SHCBP1L: variants seen among roughly 807,000 people sequenced by gnomAD.
SHCBP1L encodes the protein testicular spindle-associated protein SHCBP1L.
A neutral mutation model predicts 62.5 loss-of-function variants in SHCBP1L; 67 were observed. The observed-to-expected ratio is 1.07, with a 90% CI of 0.88 to 1.31. The LOEUF is 1.31. Ranked by LOEUF, SHCBP1L falls within the 40% of genes most tolerant of loss-of-function variation. The pLI is 0.00. For synonymous variants in SHCBP1L, 284 were observed against 289.4 expected (o/e 0.98, Z 0.19); for missense variants, 823 against 809.8 (o/e 1.02, Z -0.20).
chr1:182,942,268 A>C (rs1651392660), intron 2 of SHCBP1L: 1 of 1,319,546 alleles, frequency 7.6e-7, no homozygotes, highest in Non-Finnish European at 1.1e-6. Flanking sequence ...TTTTGTCTGA[A>C]GATTTATCCT....
At chr1:182,915,258 G>C (rs1650321604) in intron 6 of SHCBP1L, among the ~76,000 whole-genome samples, 1 of 141,666 alleles carries the variant, frequency 7.1e-6, no homozygotes, top group Non-Finnish European at 1.5e-5. Flanking sequence ...AAGATATTCT[G>C]TACAAACAGT....
intron 5 of SHCBP1L, among the ~76,000 whole-genome samples, chr1:182,932,033 G>C (rs1651023320): frequency 7.3e-6 from 1 of 137,046 alleles, no homozygotes; most frequent in Non-Finnish European, 1.5e-5. Context: ...ACAGTATGTA[G>C]CCTTTTCAGA....
chr1:182,944,070 G>A (rs1171592477), intron 2 of SHCBP1L, among the ~76,000 whole-genome samples: 4 of 150,886 alleles, frequency 2.7e-5, no homozygotes, highest in African/African-American at 4.9e-5. Context: ...GCAGTGAGCC[G>A]AGATCGCGCC....
rs201790058 is a variant in SHCBP1L at position 182,945,139 on chromosome 1, T to G, written c.556-4596A>C. On this transcript the variant is annotated intron_variant, in intron 2 of 9. Transcript: ENST00000367547. ...CCACCACATCCGGCTATTTTTTGTA[T>G]TTTTAGTAGAGATGGGGTTTCACCA... 5.9e-5 allele frequency among the ~76,000 whole-genome samples: 9 copies of G among 152,082 alleles called. No homozygotes were observed. In the East Asian group the frequency reaches 1.7e-3, roughly 29 times the overall value.
At chr1:182,922,677 A>G (rs1229564094) in intron 6 of SHCBP1L, among the ~76,000 whole-genome samples, 1 of 152,212 alleles carries the variant, frequency 6.6e-6, no homozygotes, top group African/African-American at 2.4e-5. Context: ...CACAGAAATC[A>G]AAAAATCAAA....
At chr1:182,913,248 T>C (rs1650245975) in intron 6 of SHCBP1L, among the ~76,000 whole-genome samples, 1 of 152,184 alleles carries the variant, frequency 6.6e-6, no homozygotes, top group Non-Finnish European at 1.5e-5. Flanking sequence ...GAACCCCAAC[T>C]TGAAGTCAGT....
rs1651738965 is a variant in SHCBP1L, at chr1:182,951,353, C to T, written c.520G>A (p.Glu174Lys). 1.3e-6 allele frequency: 2 copies of T among 1,597,824 alleles called. No homozygotes were observed. Among genetic ancestry groups the T allele is most frequent in the East Asian group, 2.2e-5 (1 of 44,642 alleles). ...NPSVFFVKYEEASIPFVGILV... is the reference protein window; with the variant it reads ...NPSVFFVKYEKASIPFVGILV... Reference sequence around the variant, plus strand: ...ATACCAACAAAAGGGATAGAAGCTTCTTCATATTTCACAAAGAATACACTG... The same window carrying T: ...ATACCAACAAAAGGGATAGAAGCTTTTTCATATTTCACAAAGAATACACTG... Residue 174 changes from glutamate (E) to lysine (K), a missense_variant, in exon 2 of 10, where the codon GAA becomes AAA. Coordinates refer to ENST00000367547, the MANE Select transcript of SHCBP1L (RefSeq NM_030933.4).
intron 6 of SHCBP1L, among the ~76,000 whole-genome samples, chr1:182,926,065 G>A (rs1272747589): frequency 2.6e-5 from 4 of 152,148 alleles, no homozygotes; most frequent in African/African-American, 9.7e-5. Context: ...GGAAATGGAG[G>A]TATGGGGTTC....
chr1:182,903,201 T>C, intron 8 of SHCBP1L, 40 bp from the exon 9 acceptor site: 1 of 1,433,524 alleles, frequency 7.0e-7, no homozygotes, highest in Non-Finnish European at 9.2e-7. Context: ...ACAAAATATA[T>C]ACACAAACCT....
rs770342565 is a variant in SHCBP1L at position 182,940,543 on chromosome 1, C to A, written c.556G>T (p.Val186Leu). 6.2e-7 allele frequency: 1 copy of A among 1,611,704 alleles called. No individual in the cohort carries two copies. Among genetic ancestry groups the A allele is most frequent in the South Asian group, 1.1e-5 (1 of 90,814 alleles). Residue 186 changes from valine to leucine, a missense_variant and splice_region_variant, in exon 3 of 10, where the codon GTA (valine) becomes TTA (leucine). Val to Leu is a conservative substitution (Grantham distance 32). Coordinates refer to ENST00000367547, the MANE Select transcript of SHCBP1L (RefSeq NM_030933.4). ...GAGTCTTGGTATGGTTCACAAGTTACCTAAGATAAATATCATAAGAGATAA... is the reference window on the plus strand; with the variant it reads ...GAGTCTTGGTATGGTTCACAAGTTAACTAAGATAAATATCATAAGAGATAA... ...SIPFVGILVE[V>L]TCEPYQDSSS...
intron 9 of SHCBP1L, among the ~76,000 whole-genome samples, chr1:182,901,525 C>T (rs1227657852): frequency 6.6e-6 from 1 of 152,188 alleles, no homozygotes; most frequent in Non-Finnish European, 1.5e-5. Context: ...TTTCTGGGAA[C>T]ACAAACAAAG....
chr1:182,943,983 T>C (rs1224962693), intron 2 of SHCBP1L, among the ~76,000 whole-genome samples: 1 of 144,354 alleles, frequency 6.9e-6, no homozygotes, highest in Non-Finnish European at 1.5e-5. Flanking sequence ...TAGCCTGGAG[T>C]GGTGGTGCGT....
At chr1:182,901,580 G>A (rs1649839671) in intron 9 of SHCBP1L, among the ~76,000 whole-genome samples, 1 of 152,200 alleles carries the variant, frequency 6.6e-6, no homozygotes, top group South Asian at 2.1e-4. Context: ...ATTGGAAGGA[G>A]ATTACGTTGG....
chr1:182,942,522 C>A (rs1037052496), intron 2 of SHCBP1L: 40 of 578,976 alleles, frequency 6.9e-5, no homozygotes, highest in Non-Finnish European at 1.1e-4. Context: ...CTGAGACCCA[C>A]CAAGAGTAAA....
At chr1:182,937,920 T>G (rs781698042) in intron 5 of SHCBP1L, among the ~76,000 whole-genome samples, 17 of 152,230 alleles carry the variant, frequency 1.1e-4, no homozygotes, top group Non-Finnish European at 2.2e-4. Flanking sequence ...CCTTTTAGCA[T>G]GCCTTATAAT....
intron 9 of SHCBP1L, among the ~76,000 whole-genome samples, chr1:182,901,697 T>C (rs1649843008): frequency 1.3e-5 from 2 of 152,228 alleles, no homozygotes; most frequent in South Asian, 4.1e-4. Flanking sequence ...TTTTGTTTAA[T>C]AGGTCTGGCG....
At chr1:182,938,540 A>G (rs918036364) in intron 5 of SHCBP1L, among the ~76,000 whole-genome samples, 2 of 152,148 alleles carry the variant, frequency 1.3e-5, no homozygotes, top group Non-Finnish European at 2.9e-5. Flanking sequence ...TGCTTACTGC[A>G]GCCTCAAACT....
chr1:182,942,213 C>A (rs1201329519), intron 2 of SHCBP1L: 2 of 1,345,054 alleles, frequency 1.5e-6, no homozygotes, highest in Non-Finnish European at 2.1e-6. Context: ...TTAGCCACTT[C>A]GGCCTGTTTT....
At position 182,900,326 on chromosome 1, in the gene SHCBP1L, T is replaced by C. The variant is rs1649788682; in HGVS notation, c.1711-92A>G. On this transcript the variant is annotated intron_variant, in intron 9 of 9. Transcript: ENST00000367547. ...TAAAAATTAGCTTAGACTTTATTCT[T>C]GGATTAACAGATTTTTTAAAACAAC... 3 of 1,102,628 alleles carry C rather than the reference T, an allele frequency of 2.7e-6. No homozygotes were observed. In the Admixed American group the frequency reaches 9.5e-5, roughly 35 times the overall value. The allele number at this position is 1,102,628 out of a possible 1,614,324, so 68.3% of individuals were successfully genotyped here. A position where few individuals can be genotyped will look rare whatever the true frequency, so the allele number is the denominator to read the frequency against.
Sources: gnomAD v4.1 joint callset for allele counts (sites outside exome capture counted in the v4.1 genomes callset) on GRCh38, gnomAD v4.1.1 for gene constraint, MANE v1.5 for transcripts, NCBI Gene and HGNC (gene_info 2026-07-23, HGNC 2026-07-21) for gene names.